Variants in NLGN1 observed in about 807,000 individuals in gnomAD.
The protein encoded by NLGN1 is neuroligin 1.
Under a neutral mutation model 65.5 loss-of-function variants are expected in NLGN1, and 12 were observed. The ratio of observed to expected loss-of-function variants is 0.18; its 90% CI spans 0.12 to 0.30. The LOEUF is 0.30. Ranked by LOEUF, NLGN1 falls within the 10% of genes least tolerant of loss-of-function variation. NLGN1 has a pLI of 1.00. For missense variants in NLGN1, 750 were observed against 1,007.1 expected (o/e 0.74, Z 3.46); for synonymous variants, 350 against 359.5 (o/e 0.97, Z 0.30).
intron 2 of NLGN1, among the ~76,000 whole-genome samples, chr3:173,499,300 A>G (rs1730589257): frequency 6.6e-6 from 1 of 151,770 alleles, no homozygotes; most frequent in African/African-American, 2.4e-5. Flanking sequence ...AGCACCATTT[A>G]TTAAATAGGG....
chr3:174,022,174 G>A (rs185346587), intron 4 of NLGN1, among the ~76,000 whole-genome samples: 130 of 152,112 alleles, frequency 8.5e-4, no homozygotes, highest in Non-Finnish European at 1.3e-3. Flanking sequence ...TCCTTTTAAC[G>A]TCCAGCACTC....
chr3:173,854,115 TGTTAA>T (rs1281845040), intron 4 of NLGN1, among the ~76,000 whole-genome samples: 1 of 152,014 alleles, frequency 6.6e-6, no homozygotes, highest in African/African-American at 2.4e-5. Flanking sequence ...TAGAATTTCA[TGTTAA>T]GTTTTTTTAA....
intron 4 of NLGN1, among the ~76,000 whole-genome samples, chr3:174,021,394 CTT>C (rs917803685): frequency 1.3e-5 from 2 of 152,002 alleles, no homozygotes; most frequent in Non-Finnish European, 2.9e-5. Flanking sequence ...AAAATTTCCT[CTT>C]TTCTTAGTTA....
intron 4 of NLGN1, among the ~76,000 whole-genome samples, chr3:173,872,976 T>C (rs1424603436): frequency 2.6e-5 from 4 of 152,138 alleles, no homozygotes; most frequent in African/African-American, 9.6e-5. Context: ...GATGATACAA[T>C]GTCACATACA....
intron 3 of NLGN1, among the ~76,000 whole-genome samples, chr3:173,789,197 CAAA>C (rs201049756): frequency 8.1e-6 from 1 of 122,824 alleles, no homozygotes; most frequent in Non-Finnish European, 1.8e-5. Flanking sequence ...AGAGTCCATC[CAAA>C]AAAAAAAGAA....
rs114665667 is a variant in NLGN1 at position 173,714,842 on chromosome 3, G to T, written c.494-92838G>T. Among the ~76,000 whole-genome samples the T allele has an allele frequency of 4.8e-3, 727 of 152,208 alleles. 6 individuals are homozygous for T. Among genetic ancestry groups the T allele is most frequent in the African/African-American group, 0.017 (701 of 41,548 alleles). The stretch of plus-strand genomic sequence containing the variant: ...ACTGGTAGAAGAAAAGGAGGTAAAT[G>T]AGCAGGGTAAAATGAGAAGGGTTTT... On this transcript the variant is annotated intron_variant, in intron 3 of 6. Transcript: ENST00000457714.
intron 1 of NLGN1, among the ~76,000 whole-genome samples, chr3:173,400,421 T>G (rs1717454118): frequency 2.6e-5 from 4 of 152,174 alleles, no homozygotes. Flanking sequence ...CTGGCCCCCC[T>G]TCTGAATTCA....
At chr3:173,533,280 TAC>T (rs1736894854) in intron 2 of NLGN1, among the ~76,000 whole-genome samples, 1 of 152,234 alleles carries the variant, frequency 6.6e-6, no homozygotes, top group African/African-American at 2.4e-5. Context: ...CCCCTTTACT[TAC>T]AGATTGTTTT....
intron 3 of NLGN1, among the ~76,000 whole-genome samples, chr3:173,668,733 C>T (rs973198954): frequency 1.3e-5 from 2 of 151,428 alleles, no homozygotes; most frequent in Non-Finnish European, 2.9e-5. Context: ...CAGCAATGCT[C>T]ATGCCTCAGC....
At chr3:173,786,762 A>G (rs1007345162) in intron 3 of NLGN1, among the ~76,000 whole-genome samples, 1 of 152,192 alleles carries the variant, frequency 6.6e-6, no homozygotes, top group East Asian at 1.9e-4. Context: ...AAGGAAATAT[A>G]TATAGGAATG....
At chr3:173,955,983 T>C (rs1711929462) in intron 4 of NLGN1, among the ~76,000 whole-genome samples, 1 of 152,088 alleles carries the variant, frequency 6.6e-6, no homozygotes, top group Non-Finnish European at 1.5e-5. Flanking sequence ...TGCCAATTAT[T>C]AGCAAAAAAT....
At position 173,561,309 on chromosome 3, in the gene NLGN1, G is replaced by T. The variant is rs560334949; in HGVS notation, c.-320-42970G>T. 2.0e-5 allele frequency among the ~76,000 whole-genome samples: 3 copies of T among 152,214 alleles called. No homozygotes were observed. In the East Asian group the frequency reaches 5.8e-4, roughly 29 times the overall value. ...TTACTTCCAAAGCCTCTTGTCTCTG[G>T]TACAACACGCCTTGGTTCCATATGT... On this transcript the variant is annotated intron_variant, in intron 2 of 6. Transcript: ENST00000457714.
At chr3:173,547,865 A>G (rs1471331470) in intron 2 of NLGN1, among the ~76,000 whole-genome samples, 1 of 152,062 alleles carries the variant, frequency 6.6e-6, no homozygotes, top group African/African-American at 2.4e-5. Context: ...ACAGGGGGGT[A>G]GGAACGGAAG....
At chr3:173,413,462 T>C (rs1198164638) in intron 1 of NLGN1, among the ~76,000 whole-genome samples, 1 of 151,960 alleles carries the variant, frequency 6.6e-6, no homozygotes, top group East Asian at 1.9e-4. Context: ...AAGCTGGGCG[T>C]GGTGGCATGC....
At chr3:174,149,653 A>G (rs1371913641) in intron 4 of NLGN1, among the ~76,000 whole-genome samples, 2 of 152,196 alleles carry the variant, frequency 1.3e-5, no homozygotes, top group African/African-American at 2.4e-5. Flanking sequence ...TAGCCATTAA[A>G]GAAATATTGA....
At chr3:174,138,015 A>C (rs767184479) in intron 4 of NLGN1, among the ~76,000 whole-genome samples, 19 of 152,176 alleles carry the variant, frequency 1.2e-4, no homozygotes, top group Non-Finnish European at 2.6e-4. Context: ...ATTTGACTCG[A>C]AGTTAGAAAT....
chr3:173,977,012 T>C (rs1717612986), intron 4 of NLGN1, among the ~76,000 whole-genome samples: 2 of 152,030 alleles, frequency 1.3e-5, no homozygotes, highest in Non-Finnish European at 1.5e-5. Flanking sequence ...CCAGGCACAA[T>C]GCTAAGTGCA....
chr3:173,872,692 C>T (rs1731397975), intron 4 of NLGN1, among the ~76,000 whole-genome samples: 1 of 151,972 alleles, frequency 6.6e-6, no homozygotes, highest in Non-Finnish European at 1.5e-5. Context: ...ATTTTCTTTC[C>T]CACTGAGGTC....
intron 4 of NLGN1, among the ~76,000 whole-genome samples, chr3:174,223,432 C>T (rs1030134): frequency 0.11 from 16,193 of 152,102 alleles, 1,974 homozygotes; most frequent in African/African-American, 0.29. Flanking sequence ...GATTTCAGTA[C>T]GCCTTTTTCA....
Sources: gnomAD v4.1 joint callset for allele counts (sites outside exome capture counted in the v4.1 genomes callset) on GRCh38, gnomAD v4.1.1 for gene constraint, MANE v1.5 for transcripts, NCBI Gene and HGNC (gene_info 2026-07-23, HGNC 2026-07-21) for gene names.